Variants in LLGL1 observed in about 807,000 individuals in gnomAD.
LLGL1 encodes LLGL scribble cell polarity complex component 1.
In LLGL1, 58 loss-of-function variants were observed where a neutral mutation model predicts 110.6. That is an observed-to-expected ratio of 0.52 (90% CI 0.42 to 0.65). LLGL1 has a LOEUF of 0.65. Among genes scored for constraint, LLGL1 ranks in the 30% least tolerant of loss-of-function variants. The pLI is 0.00. For synonymous variants in LLGL1, 674 were observed against 607.2 expected, an observed-to-expected ratio of 1.11 and a Z score of -1.62; for missense variants, 1,229 against 1,462.1, an observed-to-expected ratio of 0.84 and a Z score of 2.60.
intron 18 of LLGL1, 21 bp downstream of exon 18, chr17:18,241,736 A>G: frequency 6.2e-7 from 1 of 1,610,464 alleles, no homozygotes; most frequent in Non-Finnish European, 8.5e-7. Context: ...GCAGAGGCCG[A>G]GGAGGCCTTC....
chr17:18,241,555 C>G lies in LLGL1; in HGVS notation c.2607C>G (p.Ala869=). The G allele has an allele frequency of 6.2e-7, 1 of 1,613,832 alleles. No individual in the cohort carries two copies. Among genetic ancestry groups the G allele is most frequent in the Non-Finnish European group, 8.5e-7 (1 of 1,180,030 alleles). Residue 869 remains alanine (A), a synonymous_variant, in exon 18 of 23, where the codon GCC becomes GCG. Transcript: ENST00000316843. ...CACTGGCCACGTTTGCCAGTGTGGC[C>G]TGCGAGGACTATGCTGAGACCTGCC... ...KVALATFASV[A]CEDYAETCLA... is the part of the protein sequence containing the mutation.
intron 2 of LLGL1, among the ~76,000 whole-genome samples, chr17:18,231,254 T>A (rs569364260): frequency 5.9e-5 from 9 of 152,270 alleles, no homozygotes; most frequent in African/African-American, 2.2e-4. Context: ...CCAGCCCTGG[T>A]CACTAGAAGC....
Position 18,235,297 on chromosome 17 carries a change from T to C in LLGL1, c.1269T>C (p.Pro423=), listed in dbSNP as rs765963715. 37 of 1,610,488 alleles carry C rather than the reference T, an allele frequency of 2.3e-5. No individual in the cohort carries two copies. In the South Asian group the frequency reaches 3.4e-4, roughly 15 times the overall value. The part of the protein sequence containing the change: ...VSAGEQQSPQ[P]VSSALSWPIT... ...CTGGCGAGCAGCAGAGCCCCCAGCC[T>C]GTCTCCAGTGCCTTGGTGTGTGCGG... Residue 423 remains proline, a synonymous_variant, in exon 10 of 23, where the codon CCT becomes CCC. Transcript: ENST00000316843.
chr17:18,235,104 A>AG lies in LLGL1; in HGVS notation c.1078dup (p.Ala360GlyfsTer94). On this transcript the variant is annotated frameshift_variant, in exon 10 of 23. Transcript: ENST00000316843. LOFTEE classifies it high-confidence loss of function. ...CGTCCCACAGAATTTGATGACCCCC[A>AG]GGCCCTGGCTGTGCTGCTGGAAGAG... The AG allele has an allele frequency of 6.2e-7, 1 of 1,613,894 alleles. No individual in the cohort carries two copies. The highest frequency in any genetic ancestry group is 8.5e-7 in the Non-Finnish European group (1 of 1,180,008).
At chr17:18,228,326 G>A (rs1451861205) in intron 1 of LLGL1, among the ~76,000 whole-genome samples, 1 of 152,198 alleles carries the variant, frequency 6.6e-6, no homozygotes, top group Non-Finnish European at 1.5e-5. Context: ...TGGAGGAAGT[G>A]CGTTCCAGGC....
rs756687382 is a variant in LLGL1 at position 18,237,463 on chromosome 17, G to A, written c.1612-18G>A. The A allele has an allele frequency of 1.9e-6, 3 of 1,557,572 alleles. No homozygotes were observed. The highest frequency in any genetic ancestry group is 2.6e-6 in the Non-Finnish European group (3 of 1,148,004). ...CCTCCCCTGCGCTGATGCTCCCCCT[G>A]CCTGGCTGTGGGCTCAGGTGCTGGT... On this transcript the variant is annotated intron_variant, in intron 13 of 22. Coordinates refer to ENST00000316843, the MANE Select transcript of LLGL1 (RefSeq NM_004140.4).
chr17:18,233,683 A>G, intron 4 of LLGL1, 95 bp from the exon 5 acceptor site: 1 of 1,354,724 alleles, frequency 7.4e-7, no homozygotes, highest in South Asian at 1.4e-5. Flanking sequence ...CTGTGGGGCC[A>G]GTGATGAGTT....
intron 22 of LLGL1, 76 bp from the exon 23 acceptor site, chr17:18,243,832 C>G (rs2047914755): frequency 6.6e-6 from 1 of 152,398 alleles, no homozygotes; most frequent in African/African-American, 2.4e-5. Flanking sequence ...CCTGTGTGGT[C>G]TGGCCGCTGT....
chr17:18,242,114 G>A, intron 19 of LLGL1, 52 bp from the exon 20 acceptor site: 2 of 1,557,728 alleles, frequency 1.3e-6, no homozygotes. Context: ...GATCTAGCGT[G>A]CCAGCCTCAA....
rs1187892239 is a variant in LLGL1, at chr17:18,234,711, G to A, written c.905+8G>A. On this transcript the variant is annotated splice_region_variant and intron_variant, in intron 8 of 22. Transcript: ENST00000316843. ...GCGGAACTGTGAATCTGGGTAGGTC[G>A]AGGGAGTGGGTGTCCGATGTGAGTT... is the stretch of plus-strand genomic sequence containing the variant. The A allele has an allele frequency of 4.3e-6, 7 of 1,614,070 alleles. No homozygotes were observed. The highest frequency in any genetic ancestry group is 2.2e-5 in the East Asian group (1 of 44,882).
In LLGL1 at chr17:18,234,391, T is replaced by C; in HGVS notation, c.833T>C (p.Val278Ala). 6.2e-7 allele frequency: 1 copy of C among 1,612,560 alleles called. No individual in the cohort carries two copies. The highest frequency in any genetic ancestry group is 1.1e-5 in the South Asian group (1 of 91,014). ...AGCTTCCCAACGCTGCAGCCCACGG[T>C]AGCCACCACACCTTACGGTGAGTGC... ...AGSFPTLQPT[V>A]ATTPYGPFPC... Residue 278 changes from valine to alanine, a missense_variant, in exon 7 of 23, where the codon GTA (valine) becomes GCA (alanine). Transcript: ENST00000316843.
At chr17:18,232,140 G>A (rs1207933516) in intron 2 of LLGL1, among the ~76,000 whole-genome samples, 2 of 152,252 alleles carry the variant, frequency 1.3e-5, no homozygotes, top group East Asian at 3.8e-4. Context: ...GTGGAGCGGA[G>A]CCCCATCCTC....
At chr17:18,241,245 C>T (rs2047824412) in intron 17 of LLGL1, 3 of 640,014 alleles carry the variant, frequency 4.7e-6, no homozygotes, top group South Asian at 4.0e-5. Flanking sequence ...GATTTTGTCA[C>T]AGATCGAGAG....
intron 1 of LLGL1, 37 bp from the exon 2 acceptor site, chr17:18,229,904 G>C: frequency 6.7e-7 from 1 of 1,489,066 alleles, no homozygotes; most frequent in African/African-American, 1.4e-5. Context: ...GAGGTGCCTG[G>C]GAGTGCTTAC....
chr17:18,231,412 G>T (rs919908069), intron 2 of LLGL1, among the ~76,000 whole-genome samples: 6 of 152,240 alleles, frequency 3.9e-5, no homozygotes, highest in African/African-American at 1.4e-4. Context: ...AACGGCTCCT[G>T]TGTTGTCACC....
chr17:18,242,638 G>T lies in LLGL1; in HGVS notation c.3116+10G>T, dbSNP rs778210235. The T allele has an allele frequency of 3.4e-5, 54 of 1,602,272 alleles. No individual in the cohort carries two copies. The highest frequency in any genetic ancestry group is 4.5e-5 in the Non-Finnish European group (53 of 1,174,212). On this transcript the variant is annotated intron_variant, in intron 21 of 22. Transcript: ENST00000316843. The stretch of plus-strand genomic sequence containing the variant: ...TGAAGGATTTCCTGGGGTGAGGCTG[G>T]TGGGCAGGTCCACAGGGGGGGCTGC...
In LLGL1 at chr17:18,235,510, C is replaced by T. The variant is rs371262121; in HGVS notation, c.1325C>T (p.Pro442Leu). 5.6e-6 allele frequency: 9 copies of T among 1,613,968 alleles called. No individual in the cohort carries two copies. Among genetic ancestry groups the T allele is most frequent in the Middle Eastern group, 1.6e-4 (1 of 6,062 alleles). The change falls in exon 11 of 23, where the codon CCG becomes CTG. Residue 442 changes from proline (P) to leucine (L), a missense_variant. By Grantham distance (98) the Pro-to-Leu change is moderately conservative. Coordinates refer to ENST00000316843, the MANE Select transcript of LLGL1 (RefSeq NM_004140.4). ...ITGGRNLAQE[P>L]SQRGLLLTGH... ...GGGGGCCGAAACCTGGCCCAGGAGC[C>T]GTCACAGCGAGGGCTGCTGCTGACG...
At chr17:18,241,841 G>A (rs1405743396) in intron 18 of LLGL1, 44 bp from the exon 19 acceptor site, 1 of 1,602,558 alleles carries the variant, frequency 6.2e-7, no homozygotes, top group South Asian at 1.1e-5. Flanking sequence ...AGCTGTGGTT[G>A]GTGGTATCTT....
Position 18,242,590 on chromosome 17 carries a change from A to C in LLGL1, c.3078A>C (p.Thr1026=). 8.7e-6 allele frequency: 14 copies of C among 1,613,942 alleles called. No individual in the cohort carries two copies. Among genetic ancestry groups the C allele is most frequent in the Non-Finnish European group, 1.2e-5 (14 of 1,179,906 alleles). ...ATSADTTLDT[T]GDVTVEDVKD... ...GTGCTGACACCACGCTGGACACGAC[A>C]GGGGACGTCACAGTGGAAGATGTGA... is the stretch of plus-strand genomic sequence containing the variant. The change falls in exon 21 of 23, where the codon ACA becomes ACC. Residue 1026 remains threonine (T), a synonymous_variant. Transcript: ENST00000316843.
Sources: allele counts gnomAD v4.1 joint callset (sites outside exome capture counted in the v4.1 genomes callset), GRCh38; gene constraint gnomAD v4.1.1; transcripts MANE v1.5; gene names NCBI Gene and HGNC (gene_info 2026-07-23, HGNC 2026-07-21).